Variants in XXYLT1 observed in about 807,000 individuals in gnomAD.
The protein encoded by XXYLT1 is UDP-xylose:alpha-xyloside alpha-1,3-xylosyltransferase.
A neutral mutation model predicts 28.9 loss-of-function variants in XXYLT1; 20 were observed. The observed-to-expected ratio is 0.69, with a 90% CI of 0.49 to 1.00. The LOEUF (loss-of-function observed/expected upper bound fraction) is 1.00, where lower values mean the gene tolerates loss of function less well. Among genes scored for constraint, XXYLT1 ranks in the 50% least tolerant of loss-of-function variants. The pLI, the probability that XXYLT1 is intolerant of heterozygous loss-of-function variation, is 0.00. For synonymous variants in XXYLT1, 257 were observed against 253.8 expected (o/e 1.01, Z -0.12); for missense variants, 542 against 560.1 (o/e 0.97, Z 0.33).
At chr3:195,072,868 C>A (rs554130315) in intron 3 of XXYLT1, among the ~76,000 whole-genome samples, 2 of 152,166 alleles carry the variant, frequency 1.3e-5, no homozygotes, top group African/African-American at 4.8e-5. Flanking sequence ...GTAGAGGAAT[C>A]GCATCAGCCT....
chr3:195,139,105 C>T (rs558210175), intron 3 of XXYLT1, among the ~76,000 whole-genome samples: 2 of 152,054 alleles, frequency 1.3e-5, no homozygotes, highest in African/African-American at 4.8e-5. Flanking sequence ...CTAAGGAGTT[C>T]GGCTTTTAAA....
Position 195,088,366 on chromosome 3 carries a change from G to A in XXYLT1, c.786-18255C>T, listed in dbSNP as rs1021935340. ...AACGGGCAGACTGCCTCCTCAAGTGGGTCCCTGACCCCTGACCCCCGAGCA... is the reference window on the plus strand; with the variant it reads ...AACGGGCAGACTGCCTCCTCAAGTGAGTCCCTGACCCCTGACCCCCGAGCA... On this transcript the variant is annotated intron_variant, in intron 3 of 3. Transcript: ENST00000310380. Among the ~76,000 whole-genome samples, 3 of 147,616 alleles carry A rather than the reference G, an allele frequency of 2.0e-5. 1 individual carries two copies. The highest frequency in any genetic ancestry group is 6.5e-3 in the Middle Eastern group (2 of 310).
rs1431940715 is a variant in XXYLT1, at chr3:195,231,833, G to A, written c.505-4977C>T. Among the ~76,000 whole-genome samples the A allele has an allele frequency of 3.3e-5, 5 of 151,850 alleles. No individual in the cohort carries two copies. In the East Asian group the frequency reaches 9.6e-4, roughly 29 times the overall value. The stretch of plus-strand genomic sequence containing the variant: ...AATTTTTGCATCAGTGTTCATCAGG[G>A]ATACTAGCCTATAGTTTTCTTTTAC... On this transcript the variant is annotated intron_variant, in intron 1 of 3. Transcript: ENST00000310380.
intron 3 of XXYLT1, among the ~76,000 whole-genome samples, chr3:195,130,998 A>G (rs1339848151): frequency 1.3e-5 from 2 of 152,210 alleles, no homozygotes; most frequent in Non-Finnish European, 2.9e-5. Context: ...ACCATTGCCA[A>G]GACCTGCAAA....
At chr3:195,110,271 G>GTAT (rs1398474034) in intron 3 of XXYLT1, among the ~76,000 whole-genome samples, 4 of 31,090 alleles carry the variant, frequency 1.3e-4, no homozygotes, top group African/African-American at 2.4e-4. Flanking sequence ...GTGGGTGTGT[G>GTAT]GTGTGTGTGG....
intron 3 of XXYLT1, among the ~76,000 whole-genome samples, chr3:195,083,684 G>A (rs1053504222): frequency 2.0e-5 from 3 of 152,104 alleles, no homozygotes; most frequent in African/African-American, 4.8e-5. Flanking sequence ...AACTACCTAC[G>A]GTCAGTATTA....
Position 195,257,510 on chromosome 3 carries a change from C to T in XXYLT1, c.504+13045G>A, listed in dbSNP as rs530312369. ...ATGAAGATGGGAGGAATGGGTGATC[C>T]GGGGAAGAAGCCCCTGAGCAAAGTC... On this transcript the variant is annotated intron_variant, in intron 1 of 3. Transcript: ENST00000310380. The surrounding 1 kb of genome is among the most constrained non-coding windows in gnomAD (Gnocchi z 4.3). 4.6e-5 allele frequency among the ~76,000 whole-genome samples: 7 copies of T among 152,214 alleles called. No individual in the cohort carries two copies. The highest frequency in any genetic ancestry group is 3.9e-4 in the East Asian group (2 of 5,186).
intron 1 of XXYLT1, among the ~76,000 whole-genome samples, chr3:195,232,260 T>A (rs1473343882): frequency 1.3e-5 from 2 of 152,136 alleles, no homozygotes; most frequent in African/African-American, 2.4e-5. Context: ...TTTATTTATT[T>A]GGGTCTTCTC....
At chr3:195,232,181 A>T (rs182759505) in intron 1 of XXYLT1, among the ~76,000 whole-genome samples, 1 of 152,230 alleles carries the variant, frequency 6.6e-6, no homozygotes, top group Admixed American at 6.5e-5. Flanking sequence ...ATAGTTGTTC[A>T]CAGTAGCCAC....
chr3:195,122,276 G>GA (rs1326064717), intron 3 of XXYLT1: 30 of 668,110 alleles, frequency 4.5e-5, no homozygotes, highest in Non-Finnish European at 7.1e-5. Flanking sequence ...ATTTTGGGGG[G>GA]ATACAATTAT....
chr3:195,199,056 C>G (rs1722743346), intron 2 of XXYLT1, among the ~76,000 whole-genome samples: 1 of 152,166 alleles, frequency 6.6e-6, no homozygotes, highest in African/African-American at 2.4e-5. Context: ...AACTGCATTA[C>G]CAGGGACTGA....
chr3:195,266,526 G>A (rs1002946684), intron 1 of XXYLT1, among the ~76,000 whole-genome samples: 1 of 152,044 alleles, frequency 6.6e-6, no homozygotes, highest in African/African-American at 2.4e-5. Flanking sequence ...CAAAAAAAAG[G>A]CAGCATTTTA....
intron 1 of XXYLT1, among the ~76,000 whole-genome samples, chr3:195,264,749 G>GA (rs1382211407): frequency 6.6e-6 from 1 of 152,170 alleles, no homozygotes; most frequent in Non-Finnish European, 1.5e-5. Context: ...ATGAATACAT[G>GA]AAAAAATGAA....
chr3:195,106,589 C>T (rs966238088), intron 3 of XXYLT1, among the ~76,000 whole-genome samples: 9 of 152,300 alleles, frequency 5.9e-5, no homozygotes, highest in Non-Finnish European at 1.0e-4. Context: ...GCGACACAGG[C>T]GAGACCCCTG....
intron 3 of XXYLT1, among the ~76,000 whole-genome samples, chr3:195,119,344 A>G (rs939322267): frequency 2.6e-5 from 4 of 152,122 alleles, no homozygotes; most frequent in African/African-American, 9.7e-5. Context: ...TAAAAATCCA[A>G]TAAGGGAAAT....
At chr3:195,204,051 A>G (rs1322701315) in intron 2 of XXYLT1, among the ~76,000 whole-genome samples, 1 of 152,180 alleles carries the variant, frequency 6.6e-6, no homozygotes, top group African/African-American at 2.4e-5. Context: ...AGTGTTAGAG[A>G]AAACTATCAT....
intron 1 of XXYLT1, chr3:195,259,472 G>C (rs1725601873): frequency 1.7e-6 from 1 of 603,238 alleles, no homozygotes; most frequent in African/African-American, 2.0e-5. Context: ...GGATGGGAAG[G>C]CTGTGAGGAA....
chr3:195,071,415 A>G (rs1306299099), intron 3 of XXYLT1, among the ~76,000 whole-genome samples: 2 of 152,212 alleles, frequency 1.3e-5, no homozygotes, highest in African/African-American at 2.4e-5. Flanking sequence ...GCACCAGCAC[A>G]TTGCTCCGCT....
chr3:195,121,842 C>T (rs12633474), intron 3 of XXYLT1, among the ~76,000 whole-genome samples: 5,208 of 152,284 alleles, frequency 0.034, 133 homozygotes, highest in Middle Eastern at 0.12. Context: ...CCTCAGGATC[C>T]CCATCTATAA....
Sources: gnomAD v4.1 joint callset for allele counts (sites outside exome capture counted in the v4.1 genomes callset) on GRCh38, gnomAD v4.1.1 for gene constraint, Gnocchi (gnomAD v3.1) non-coding constraint, MANE v1.5 for transcripts, NCBI Gene and HGNC (gene_info 2026-07-23, HGNC 2026-07-21) for gene names.